The following GALNT13 variants were observed in gnomAD, a reference collection of about 807,000 sequenced individuals.
The protein encoded by GALNT13 is UDP-GalNAc:polypeptide N-acetylgalactosaminyltransferase 13.
A neutral mutation model predicts 64.2 loss-of-function variants in GALNT13; 28 were observed. The observed-to-expected ratio is 0.44, with a 90% confidence interval of 0.32 to 0.60. The LOEUF is 0.60. GALNT13 is among the 20% of genes least tolerant of loss of function. The probability of loss-of-function intolerance (pLI) is 0.05; values close to 1 mark genes in which losing one functional copy is unlikely to be tolerated. For synonymous variants in GALNT13, 214 were observed against 224.6 expected, an observed-to-expected ratio of 0.95 and a Z score of 0.42; for missense variants, 577 against 669.8, an observed-to-expected ratio of 0.86 and a Z score of 1.53.
chr2:154,092,716 C>G (rs973100582), intron 3 of GALNT13, among the ~76,000 whole-genome samples: 4 of 152,036 alleles, frequency 2.6e-5, no homozygotes, highest in African/African-American at 4.8e-5. Flanking sequence ...ACATCATTTA[C>G]TCCATCATCA....
the GALNT13 span, among the ~76,000 whole-genome samples, chr2:153,438,672 T>A: frequency 6.6e-6 from 1 of 152,258 alleles, no homozygotes; most frequent in Admixed American, 6.5e-5. Flanking sequence ...GGTTTTCAGC[T>A]CCATCAGGTC....
chr2:154,327,227 A>G (rs937139323), intron 9 of GALNT13, among the ~76,000 whole-genome samples: 14 of 151,978 alleles, frequency 9.2e-5, no homozygotes, highest in African/African-American at 3.4e-4. Context: ...CGCCTTGTGA[A>G]GGTCGCCTTT....
At chr2:153,314,015 T>G in the GALNT13 span, among the ~76,000 whole-genome samples, 1 of 152,184 alleles carries the variant, frequency 6.6e-6, no homozygotes, top group Non-Finnish European at 1.5e-5. Flanking sequence ...GCAAGTATTA[T>G]AGCAGCACTA....
the GALNT13 span, among the ~76,000 whole-genome samples, chr2:153,714,701 A>C: frequency 1.3e-5 from 2 of 152,234 alleles, no homozygotes; most frequent in Non-Finnish European, 2.9e-5. Flanking sequence ...CCACCAGCCA[A>C]ATGAAGCAAG....
chr2:153,209,088 C>A, the GALNT13 span, among the ~76,000 whole-genome samples: 33 of 150,006 alleles, frequency 2.2e-4, no homozygotes, highest in African/African-American at 7.4e-4. Context: ...CGCCATTCTC[C>A]TGCCTCAGCC....
At chr2:153,952,963 G>A (rs938728163) in intron 3 of GALNT13, among the ~76,000 whole-genome samples, 2 of 152,144 alleles carry the variant, frequency 1.3e-5, no homozygotes, top group African/African-American at 2.4e-5. Flanking sequence ...GTCCTTCCAC[G>A]TTCCTCTGCC....
At chr2:153,133,280 C>T in the GALNT13 span, among the ~76,000 whole-genome samples, 2 of 151,998 alleles carry the variant, frequency 1.3e-5, no homozygotes, top group Non-Finnish European at 2.9e-5. Flanking sequence ...TTTTTCTTGA[C>T]AGTGCTATGA....
chr2:153,077,946 C>G, the GALNT13 span, among the ~76,000 whole-genome samples: 2 of 152,146 alleles, frequency 1.3e-5, no homozygotes, highest in Non-Finnish European at 2.9e-5. Flanking sequence ...TCTTCCTATT[C>G]AAGAATGTTA....
chr2:154,137,012 CTT>C (rs1682994528), intron 3 of GALNT13, among the ~76,000 whole-genome samples: 1 of 151,538 alleles, frequency 6.6e-6, no homozygotes, highest in Non-Finnish European at 1.5e-5. Context: ...ACATGAGTCT[CTT>C]TGTGTGTGTG....
intron 3 of GALNT13, among the ~76,000 whole-genome samples, chr2:153,949,566 G>A (rs1692018894): frequency 6.6e-6 from 1 of 150,880 alleles, no homozygotes; most frequent in Non-Finnish European, 1.5e-5. Flanking sequence ...GAGGTTTACA[G>A]CATAAGAGTA....
the GALNT13 span, among the ~76,000 whole-genome samples, chr2:153,518,863 C>G: frequency 6.6e-6 from 1 of 152,060 alleles, no homozygotes; most frequent in African/African-American, 2.4e-5. Context: ...ACTGAAAAGG[C>G]TAAGAGCCTT....
the GALNT13 span, among the ~76,000 whole-genome samples, chr2:153,855,308 G>GAC: frequency 1.3e-5 from 2 of 152,022 alleles, no homozygotes; most frequent in Admixed American, 1.3e-4. Flanking sequence ...TCCTTAAATG[G>GAC]ACACCTAATG....
At chr2:153,739,559 TATTATTTTATTTATTTATTC>T in the GALNT13 span, among the ~76,000 whole-genome samples, 3 of 75,680 alleles carry the variant, frequency 4.0e-5, no homozygotes, top group African/African-American at 1.2e-4. Flanking sequence ...TTTATTTATT[TATTATTTTATTTATTTATTC>T]ATTATTTTAT....
chr2:154,435,155 TACTA>T (rs1428449280), intron 11 of GALNT13, among the ~76,000 whole-genome samples: 10 of 152,214 alleles, frequency 6.6e-5, no homozygotes, highest in Non-Finnish European at 1.3e-4. Context: ...AGTTCTGCTT[TACTA>T]ACTATTGGTA....
chr2:153,641,569 ACTGCCTG>A, the GALNT13 span, among the ~76,000 whole-genome samples: 1 of 152,090 alleles, frequency 6.6e-6, no homozygotes, highest in Non-Finnish European at 1.5e-5. Flanking sequence ...ATTCCATGTT[ACTGCCTG>A]CTCCATGTTT....
chr2:154,329,958 C>T (rs1695080131), intron 9 of GALNT13, among the ~76,000 whole-genome samples: 1 of 152,032 alleles, frequency 6.6e-6, no homozygotes, highest in African/African-American at 2.4e-5. Context: ...GAACCATGAG[C>T]CAAGTAAACC....
At chr2:153,827,012 A>G in the GALNT13 span, among the ~76,000 whole-genome samples, 2 of 152,096 alleles carry the variant, frequency 1.3e-5, no homozygotes, top group African/African-American at 2.4e-5. Context: ...GTTTTCACAC[A>G]GCTGATAAAA....
chr2:153,406,942 C>T, the GALNT13 span, among the ~76,000 whole-genome samples: 1 of 151,958 alleles, frequency 6.6e-6, no homozygotes, highest in Non-Finnish European at 1.5e-5. Flanking sequence ...AAGTCTAAAT[C>T]AATAATTCAG....
At chr2:154,121,892 AGT>A (rs1681965319) in intron 3 of GALNT13, among the ~76,000 whole-genome samples, 1 of 152,064 alleles carries the variant, frequency 6.6e-6, no homozygotes, top group Non-Finnish European at 1.5e-5. Context: ...GTTGACTAGA[AGT>A]GGTAGGAGAG....
Sources: gnomAD v4.1 joint callset for allele counts (sites outside exome capture counted in the v4.1 genomes callset) on GRCh38, gnomAD v4.1.1 for gene constraint, MANE v1.5 for transcripts, NCBI Gene and HGNC (gene_info 2026-07-23, HGNC 2026-07-21) for gene names.